TSNARE1: variants seen among roughly 807,000 people sequenced by gnomAD.
The protein encoded by TSNARE1 is t-SNARE domain-containing protein 1.
A neutral mutation model predicts 62.0 loss-of-function variants in TSNARE1; 49 were observed. The ratio of observed to expected loss-of-function variants is 0.79; its 90% CI spans 0.63 to 1.00. TSNARE1 has a LOEUF of 1.00. Among genes scored for constraint, TSNARE1 ranks in the 50% least tolerant of loss-of-function variants. TSNARE1 has a pLI of 0.00. For missense variants in TSNARE1, 755 were observed against 700.1 expected (o/e 1.08, Z -0.88); for synonymous variants, 328 against 294.4 (o/e 1.11, Z -1.17).
intron 6 of TSNARE1, among the ~76,000 whole-genome samples, chr8:142,321,344 A>G (rs559174061): frequency 1.3e-5 from 2 of 152,372 alleles, no homozygotes; most frequent in Non-Finnish European, 2.9e-5. Context: ...CAGCTAAAAC[A>G]GTACTTACAA....
At position 142,277,044 on chromosome 8, in the gene TSNARE1, C is replaced by T. The variant is rs149942898; in HGVS notation, c.1364-2181G>A. The T allele has an allele frequency of 3.9e-4, 382 of 985,394 alleles. No homozygotes were observed. In the Middle Eastern group the frequency reaches 4.2e-3, roughly 11 times the overall value. 61.0% of individuals were successfully genotyped at this position (985,394 alleles called of 1,614,324 possible). On this transcript the variant is annotated intron_variant, in intron 11 of 13. Coordinates refer to ENST00000524325, the MANE Select transcript of TSNARE1 (RefSeq NM_145003.5). Reference sequence around the variant, plus strand: ...TCGTGGGGTGAGGACAGGTTTGGTGCGTGGGACCTGTGGTACTGAGCGACA... The same window carrying T: ...TCGTGGGGTGAGGACAGGTTTGGTGTGTGGGACCTGTGGTACTGAGCGACA...
chr8:142,396,012 G>A (rs1416140211), intron 1 of TSNARE1, among the ~76,000 whole-genome samples: 1 of 151,342 alleles, frequency 6.6e-6, no homozygotes, highest in African/African-American at 2.4e-5. Flanking sequence ...CTCTTTGTCC[G>A]TGGCTCTGTC....
chr8:142,314,714 G>A (rs1828250320), intron 8 of TSNARE1, among the ~76,000 whole-genome samples: 1 of 152,240 alleles, frequency 6.6e-6, no homozygotes, highest in African/African-American at 2.4e-5. Flanking sequence ...GGAGCTCTCT[G>A]GGCCCCAGTT....
At chr8:142,363,637 GC>G (rs1338195813) in intron 1 of TSNARE1, among the ~76,000 whole-genome samples, 5 of 152,114 alleles carry the variant, frequency 3.3e-5, no homozygotes, top group African/African-American at 1.2e-4. Flanking sequence ...CACCCTGAGG[GC>G]CAGACAGACA....
rs559058818 is a variant in TSNARE1, at chr8:142,397,293, C to T, written c.-40+5811G>A. ...GGCAGCTCCGCCTACCCTGGGGCTG[C>T]ACTCCCTGACCTTCCACAGCCCCTC... On this transcript the variant is annotated intron_variant, in intron 1 of 13. Coordinates refer to ENST00000524325, the MANE Select transcript of TSNARE1 (RefSeq NM_145003.5). Among the ~76,000 whole-genome samples the T allele has an allele frequency of 2.0e-5, 3 of 152,266 alleles. No individual in the cohort carries two copies. The East Asian group carries it at 5.8e-4, about 30-fold the overall frequency.
intron 4 of TSNARE1, among the ~76,000 whole-genome samples, chr8:142,343,386 T>C (rs753189954): frequency 2.6e-5 from 4 of 151,748 alleles, no homozygotes; most frequent in Non-Finnish European, 4.4e-5. Flanking sequence ...AGGAGGAACA[T>C]GAGCACGCGT....
intron 4 of TSNARE1, among the ~76,000 whole-genome samples, chr8:142,341,851 C>T (rs1484052946): frequency 6.6e-6 from 1 of 152,200 alleles, no homozygotes; most frequent in Non-Finnish European, 1.5e-5. Context: ...TCAGCACCCC[C>T]AGCCCTGACA....
intron 12 of TSNARE1, among the ~76,000 whole-genome samples, chr8:142,255,212 C>T (rs1818363813): frequency 6.6e-6 from 1 of 151,972 alleles, no homozygotes; most frequent in Non-Finnish European, 1.5e-5. Context: ...TTCTTTATCC[C>T]ATTCTCCCAG....
intron 12 of TSNARE1, among the ~76,000 whole-genome samples, chr8:142,259,846 C>T (rs1352961575): frequency 2.6e-5 from 4 of 152,176 alleles, no homozygotes; most frequent in African/African-American, 9.7e-5. Context: ...CTTGGTGGCA[C>T]GCCTTCCCCC....
intron 9 of TSNARE1, among the ~76,000 whole-genome samples, chr8:142,304,744 G>C (rs976000685): frequency 5.3e-5 from 8 of 152,238 alleles, no homozygotes; most frequent in Admixed American, 3.9e-4. Context: ...GATGCCATGA[G>C]ATGCCACCTT....
intron 6 of TSNARE1, among the ~76,000 whole-genome samples, chr8:142,329,808 A>G (rs1830751861): frequency 6.6e-6 from 1 of 152,256 alleles, no homozygotes; most frequent in Non-Finnish European, 1.5e-5. Context: ...TCACATCAGA[A>G]AACACTTAAG....
At chr8:142,241,395 A>G (rs573633468) in intron 12 of TSNARE1, among the ~76,000 whole-genome samples, 4 of 152,366 alleles carry the variant, frequency 2.6e-5, no homozygotes, top group African/African-American at 9.6e-5. Flanking sequence ...TACTGTGTTC[A>G]TGGATTGGAA....
chr8:142,400,819 C>T (rs1485522379), intron 1 of TSNARE1, among the ~76,000 whole-genome samples: 1 of 152,214 alleles, frequency 6.6e-6, no homozygotes, highest in East Asian at 1.9e-4. Context: ...GGACTCACGG[C>T]AAGATCACCA....
intron 1 of TSNARE1, among the ~76,000 whole-genome samples, chr8:142,367,064 A>G (rs1256106073): frequency 2.6e-5 from 4 of 152,204 alleles, no homozygotes; most frequent in African/African-American, 9.6e-5. Context: ...TTAACATGAA[A>G]TGGGAAAAAT....
intron 12 of TSNARE1, among the ~76,000 whole-genome samples, chr8:142,246,324 C>T (rs1371952724): frequency 6.6e-6 from 1 of 152,156 alleles, no homozygotes; most frequent in African/African-American, 2.4e-5. Flanking sequence ...GGCCAGGTCC[C>T]CTCTTCCAAG....
chr8:142,273,187 C>T, intron 12 of TSNARE1: 1 of 984,420 alleles, frequency 1.0e-6, no homozygotes, highest in Non-Finnish European at 1.2e-6. Flanking sequence ...TTTCCTCCTC[C>T]TCCTTCACCT....
chr8:142,328,780 C>A (rs1197362427), intron 6 of TSNARE1, among the ~76,000 whole-genome samples: 2 of 147,242 alleles, frequency 1.4e-5, no homozygotes, highest in Non-Finnish European at 3.0e-5. Context: ...AACGTGGCCA[C>A]TGGACTCCAG....
Position 142,314,532 on chromosome 8 carries a change from C to T in TSNARE1, c.1075-92G>A, listed in dbSNP as rs1457727209. 16 of 1,141,902 alleles carry T rather than the reference C, an allele frequency of 1.4e-5. No individual in the cohort carries two copies. The East Asian group carries it at 2.3e-4, about 16-fold the overall frequency. The allele number at this position is 1,141,902 out of a possible 1,614,324, so 70.7% of individuals were successfully genotyped here. ...GGTCAGCTGAGTGCAGGGCTCTGGA[C>T]GACGGTGCAGCAAAACACGCCTGCC... On this transcript the variant is annotated intron_variant, in intron 8 of 13. Coordinates refer to ENST00000524325, the MANE Select transcript of TSNARE1 (RefSeq NM_145003.5).
At chr8:142,283,042 G>T (rs1406806503) in intron 11 of TSNARE1, among the ~76,000 whole-genome samples, 2 of 148,444 alleles carry the variant, frequency 1.3e-5, no homozygotes, top group Non-Finnish European at 3.0e-5. Context: ...AATGAGCAGA[G>T]GCGGGACCAG....
Sources: allele counts gnomAD v4.1 joint callset (sites outside exome capture counted in the v4.1 genomes callset), GRCh38; gene constraint gnomAD v4.1.1; transcripts MANE v1.5; gene names NCBI Gene and HGNC (gene_info 2026-07-23, HGNC 2026-07-21).